Variants in SLC6A6 observed in about 807,000 individuals in gnomAD.
The protein encoded by SLC6A6 is solute carrier family 6 member 6.
A neutral mutation model predicts 68.8 loss-of-function variants in SLC6A6; 16 were observed. The observed-to-expected ratio is 0.23, with a 90% confidence interval of 0.16 to 0.35. The LOEUF (loss-of-function observed/expected upper bound fraction) is 0.35, where lower values mean the gene tolerates loss of function less well. Ranked by LOEUF, SLC6A6 falls within the 10% of genes least tolerant of loss-of-function variation. The pLI, the probability that SLC6A6 is intolerant of heterozygous loss-of-function variation, is 1.00. For missense variants in SLC6A6, 474 were observed against 802.8 expected (o/e 0.59, Z 4.95); for synonymous variants, 312 against 315.4 (o/e 0.99, Z 0.12).
chr3:14,463,603 G>T (rs899323384), intron 6 of SLC6A6, among the ~76,000 whole-genome samples: 2 of 152,260 alleles, frequency 1.3e-5, no homozygotes, highest in Non-Finnish European at 2.9e-5. Context: ...GGTGGGAACT[G>T]GTCGGGGCGC....
At chr3:14,457,566 C>T (rs1179082837) in intron 5 of SLC6A6, among the ~76,000 whole-genome samples, 1 of 152,192 alleles carries the variant, frequency 6.6e-6, no homozygotes, top group African/African-American at 2.4e-5. Context: ...AGTGACGGAA[C>T]AAACAGTAGA....
At chr3:14,456,872 G>A (rs1428199573) in intron 5 of SLC6A6, among the ~76,000 whole-genome samples, 31 of 152,244 alleles carry the variant, frequency 2.0e-4, no homozygotes, top group Admixed American at 2.0e-3. Context: ...TGCAGACCCT[G>A]TCTCTTGTGG....
In SLC6A6 at chr3:14,472,428, G is replaced by A; in HGVS notation, c.1209+111G>A. ...TCAACCCCCTTCCCCCCTCCAGTCA[G>A]ACTTCCAGTGCTTCAGCTGTGAGGG... On this transcript the variant is annotated intron_variant, in intron 10 of 14. Coordinates refer to ENST00000622186, the MANE Select transcript of SLC6A6 (RefSeq NM_003043.6). The surrounding 1 kb of genome is among the most constrained non-coding windows in gnomAD (Gnocchi z 4.5). 1.4e-6 allele frequency: 1 copy of A among 697,536 alleles called. No individual in the cohort carries two copies. 43.2% of individuals were successfully genotyped at this position (697,536 alleles called of 1,614,324 possible). A position where few individuals can be genotyped will look rare whatever the true frequency, so the allele number is the denominator to read the frequency against.
intron 2 of SLC6A6, among the ~76,000 whole-genome samples, chr3:14,438,226 T>A (rs1249519201): frequency 2.6e-5 from 4 of 152,076 alleles, no homozygotes; most frequent in Non-Finnish European, 5.9e-5. Context: ...CTGTTTTTTT[T>A]TTTTAAAGCT....
At chr3:14,455,533 T>C (rs1223026605) in intron 5 of SLC6A6, among the ~76,000 whole-genome samples, 1 of 152,230 alleles carries the variant, frequency 6.6e-6, no homozygotes, top group Non-Finnish European at 1.5e-5. Context: ...ACACAGACAT[T>C]TCCCCAGCGT....
In SLC6A6 at chr3:14,419,972, A is replaced by C. The variant is rs1350260236; in HGVS notation, c.-12+3519A>C. 2.6e-5 allele frequency among the ~76,000 whole-genome samples: 4 copies of C among 152,172 alleles called. No homozygotes were observed. In the East Asian group the frequency reaches 7.7e-4, roughly 29 times the overall value. ...TGCCCCCATGCCCCGCACCCATTGT[A>C]AACTGGTGCATATAGGAGTGTTGAT... On this transcript the variant is annotated intron_variant, in intron 2 of 14. Coordinates refer to ENST00000622186, the MANE Select transcript of SLC6A6 (RefSeq NM_003043.6).
At chr3:14,433,546 A>G (rs528713862) in intron 2 of SLC6A6, among the ~76,000 whole-genome samples, 10 of 152,232 alleles carry the variant, frequency 6.6e-5, no homozygotes, top group Non-Finnish European at 1.0e-4. Flanking sequence ...TCCCATCTAT[A>G]ATCTCAGCAC....
chr3:14,410,444 C>T (rs1011767820), intron 1 of SLC6A6, among the ~76,000 whole-genome samples: 2 of 152,178 alleles, frequency 1.3e-5, no homozygotes, highest in Admixed American at 1.3e-4. Context: ...GCTCAGGAGA[C>T]ACCCCCAGAG....
In SLC6A6 at chr3:14,483,298, C is replaced by A. The variant is rs1405280175; in HGVS notation, c.1722+1457C>A. Among the ~76,000 whole-genome samples, 3 of 152,226 alleles carry A rather than the reference C, an allele frequency of 2.0e-5. No homozygotes were observed. In the South Asian group the frequency reaches 6.2e-4, roughly 32 times the overall value. On this transcript the variant is annotated intron_variant, in intron 14 of 14. Transcript: ENST00000622186. ...AAAGGCCCCTGTGAAGGCAGTTGAG[C>A]CACCATCTGTCTGTCTTTCTTTATG...
intron 1 of SLC6A6, among the ~76,000 whole-genome samples, chr3:14,408,830 G>A (rs1045530086): frequency 8.7e-5 from 13 of 149,584 alleles, no homozygotes; most frequent in African/African-American, 3.2e-4. Flanking sequence ...TTTTTGGGAC[G>A]GAGTCTCGCT....
intron 5 of SLC6A6, chr3:14,448,082 A>G: frequency 8.4e-7 from 1 of 1,188,724 alleles, no homozygotes; most frequent in Non-Finnish European, 1.1e-6. Flanking sequence ...AGAATGAATC[A>G]TTACTACCCT....
At chr3:14,444,926 C>T (rs1454376401) in intron 3 of SLC6A6, 21 of 449,374 alleles carry the variant, frequency 4.7e-5, no homozygotes, top group East Asian at 3.5e-4. Context: ...CCGCCCCCAC[C>T]GGAGATGCCT....
At chr3:14,447,180 C>T (rs1700142535) in intron 4 of SLC6A6, among the ~76,000 whole-genome samples, 1 of 151,992 alleles carries the variant, frequency 6.6e-6, no homozygotes, top group African/African-American at 2.4e-5. Flanking sequence ...TCCAACTATC[C>T]ATCTGTTCAT....
At chr3:14,418,542 C>T (rs1324062216) in intron 2 of SLC6A6, among the ~76,000 whole-genome samples, 1 of 152,214 alleles carries the variant, frequency 6.6e-6, no homozygotes, top group Non-Finnish European at 1.5e-5. Context: ...TCAGCCTCCA[C>T]AGGCGTCATC....
At chr3:14,403,075 AGAGTGTGTGTGT>A (rs1699022849) in intron 1 of SLC6A6, among the ~76,000 whole-genome samples, 1 of 100,058 alleles carries the variant, frequency 1.0e-5, no homozygotes, top group Admixed American at 1.1e-4. Flanking sequence ...GGGCGGCAGG[AGAGTGTGTGTGT>A]GTGTGTGTGT....
chr3:14,446,826 G>A (rs1022180826), intron 4 of SLC6A6, among the ~76,000 whole-genome samples: 1 of 152,180 alleles, frequency 6.6e-6, no homozygotes, highest in Non-Finnish European at 1.5e-5. Context: ...AGCTTCCTTA[G>A]TCCTATGTTT....
intron 2 of SLC6A6, among the ~76,000 whole-genome samples, chr3:14,429,440 T>C (rs2124922163): frequency 6.6e-6 from 1 of 152,326 alleles, no homozygotes; most frequent in East Asian, 1.9e-4. Context: ...CTGGCAGAAG[T>C]GAAACTCAGC....
Position 14,477,362 on chromosome 3 carries a change from G to T in SLC6A6, c.1347+20G>T, listed in dbSNP as rs1471169757. ...ACGGAGGTAGGTGGCTCTCTCAGCTGTGTTTCAGGCTTGGTGCTCCAGTGC... is the reference window on the plus strand; with the variant it reads ...ACGGAGGTAGGTGGCTCTCTCAGCTTTGTTTCAGGCTTGGTGCTCCAGTGC... On this transcript the variant is annotated intron_variant, in intron 11 of 14. Transcript: ENST00000622186. This position sits in a 1 kb window ranked among gnomAD's most constrained non-coding sequence, Gnocchi z 4.2. The T allele has an allele frequency of 6.2e-7, 1 of 1,612,852 alleles. No individual in the cohort carries two copies. The highest frequency in any genetic ancestry group is 1.7e-5 in the Admixed American group (1 of 59,938).
Position 14,468,058 on chromosome 3 carries a change from A to G in SLC6A6, c.972-30A>G. ...GCGTGGCTTCCTTGTGTTGTGAATT[A>G]ACTTGCTCCCTGACATATGTGTAAC... On this transcript the variant is annotated intron_variant, in intron 8 of 14. Coordinates refer to ENST00000622186, the MANE Select transcript of SLC6A6 (RefSeq NM_003043.6). The surrounding 1 kb of genome is among the most constrained non-coding windows in gnomAD (Gnocchi z 4.5). The G allele has an allele frequency of 6.2e-7, 1 of 1,614,074 alleles. No individual in the cohort carries two copies. Among genetic ancestry groups the G allele is most frequent in the Non-Finnish European group, 8.5e-7 (1 of 1,179,920 alleles).
Sources: gnomAD v4.1 joint callset for allele counts (sites outside exome capture counted in the v4.1 genomes callset) on GRCh38, gnomAD v4.1.1 for gene constraint, Gnocchi (gnomAD v3.1) non-coding constraint, MANE v1.5 for transcripts, NCBI Gene and HGNC (gene_info 2026-07-23, HGNC 2026-07-21) for gene names.